The following SH2D4A variants were observed in gnomAD, a reference collection of about 807,000 sequenced individuals.
The protein encoded by SH2D4A is SH2 domain containing 4A, also known as SH2 domain-containing protein 4A.
In SH2D4A, 70 loss-of-function variants were observed where a neutral mutation model predicts 64.7. The ratio of observed to expected loss-of-function variants is 1.08; its 90% CI spans 0.89 to 1.32. The LOEUF is 1.32. SH2D4A is among the 40% of genes most tolerant of loss of function. The probability of loss-of-function intolerance (pLI) is 0.00; values close to 1 mark genes in which losing one functional copy is unlikely to be tolerated. For synonymous variants in SH2D4A, 268 were observed against 200.7 expected, an observed-to-expected ratio of 1.34 and a Z score of -2.83; for missense variants, 706 against 540.1, an observed-to-expected ratio of 1.31 and a Z score of -3.04.
At chr8:19,340,928 C>T (rs779531823) in intron 4 of SH2D4A, among the ~76,000 whole-genome samples, 8 of 152,094 alleles carry the variant, frequency 5.3e-5, no homozygotes, top group Admixed American at 1.3e-4. Flanking sequence ...ATTTGGAGTT[C>T]ACAACACTTT....
At chr8:19,375,253 C>A (rs1474582923) in intron 8 of SH2D4A, 1 of 152,124 alleles carries the variant, frequency 6.6e-6, no homozygotes, top group Admixed American at 6.6e-5. Flanking sequence ...CAGTATACAT[C>A]TTTATTTTCA....
chr8:19,364,950 C>T (rs1347151265), intron 7 of SH2D4A, among the ~76,000 whole-genome samples: 1 of 152,158 alleles, frequency 6.6e-6, no homozygotes, highest in Non-Finnish European at 1.5e-5. Flanking sequence ...ATTAAACCCC[C>T]ATCCCTTATG....
chr8:19,334,551 C>T lies in SH2D4A; in HGVS notation c.342-135C>T. The stretch of plus-strand genomic sequence containing the variant: ...ACGTCTTTACACACCTAGCAAAGGG[C>T]CCAGCATGTTAGAAGCACTCAGTAA... On this transcript the variant is annotated intron_variant, in intron 3 of 9. Coordinates refer to ENST00000265807, the MANE Select transcript of SH2D4A (RefSeq NM_022071.4). 5 of 894,216 alleles carry T rather than the reference C, an allele frequency of 5.6e-6. No individual in the cohort carries two copies. In the South Asian group the frequency reaches 7.4e-5, roughly 13 times the overall value. 55.4% of individuals were successfully genotyped at this position (894,216 alleles called of 1,614,324 possible).
intron 2 of SH2D4A, among the ~76,000 whole-genome samples, chr8:19,322,673 G>A (rs2052212210): frequency 6.8e-6 from 1 of 146,918 alleles, no homozygotes; most frequent in South Asian, 2.1e-4. Context: ...CTGCAGTGCA[G>A]TGGTGTGAGA....
At chr8:19,358,595 A>C (rs2052830439) in intron 5 of SH2D4A, among the ~76,000 whole-genome samples, 1 of 152,176 alleles carries the variant, frequency 6.6e-6, no homozygotes, top group Admixed American at 6.5e-5. Flanking sequence ...TCAAAGACAC[A>C]GAGGCACTAC....
At chr8:19,342,741 C>T (rs2052548501) in intron 4 of SH2D4A, among the ~76,000 whole-genome samples, 1 of 152,180 alleles carries the variant, frequency 6.6e-6, no homozygotes, top group Non-Finnish European at 1.5e-5. Flanking sequence ...AACGATCACA[C>T]TGCTGGGATT....
At chr8:19,326,254 A>G (rs960340236) in intron 2 of SH2D4A, among the ~76,000 whole-genome samples, 1 of 152,218 alleles carries the variant, frequency 6.6e-6, no homozygotes, top group Non-Finnish European at 1.5e-5. Context: ...TTAGTGACAG[A>G]TAGGGCATGG....
At chr8:19,393,180 C>A (rs1053986851) in intron 8 of SH2D4A, 138 bp from the exon 9 acceptor site, 2 of 731,850 alleles carry the variant, frequency 2.7e-6, no homozygotes, top group Non-Finnish European at 4.6e-6. Flanking sequence ...TCCTAAGAAG[C>A]CCAAAACAGA....
At chr8:19,366,699 G>T (rs2053000959) in intron 7 of SH2D4A, among the ~76,000 whole-genome samples, 1 of 152,148 alleles carries the variant, frequency 6.6e-6, no homozygotes, top group Non-Finnish European at 1.5e-5. Context: ...GGCTGAGGCA[G>T]GAGAATCACT....
chr8:19,353,368 G>GTTTT (rs71545549), intron 4 of SH2D4A, among the ~76,000 whole-genome samples: 2 of 131,334 alleles, frequency 1.5e-5, no homozygotes, highest in Admixed American at 7.9e-5. Flanking sequence ...TAATCATCTA[G>GTTTT]TTTTTTTTTT....
chr8:19,364,789 A>G (rs1398836195), intron 7 of SH2D4A, among the ~76,000 whole-genome samples: 1 of 152,232 alleles, frequency 6.6e-6, no homozygotes, highest in Non-Finnish European at 1.5e-5. Context: ...TCACGGATAC[A>G]TAGCCAAGTT....
chr8:19,393,300 T>C lies in SH2D4A; in HGVS notation c.1049-18T>C. 1.9e-6 allele frequency: 3 copies of C among 1,613,550 alleles called. No homozygotes were observed. Among genetic ancestry groups the C allele is most frequent in the Non-Finnish European group, 2.5e-6 (3 of 1,179,512 alleles). ...AATGATTTGGCTGAAATACCTGCCT[T>C]TTTTTGCTTTGCCACAGGAATTCTC... On this transcript the variant is annotated intron_variant, in intron 8 of 9. Transcript: ENST00000265807.
intron 4 of SH2D4A, among the ~76,000 whole-genome samples, chr8:19,349,149 GAAAT>G (rs1402988693): frequency 6.6e-6 from 1 of 152,140 alleles, no homozygotes; most frequent in Non-Finnish European, 1.5e-5. Context: ...ATTTTTGTGA[GAAAT>G]AAAGCATTGG....
intron 8 of SH2D4A, among the ~76,000 whole-genome samples, chr8:19,380,561 A>G (rs1308677455): frequency 6.6e-6 from 1 of 152,188 alleles, no homozygotes; most frequent in African/African-American, 2.4e-5. Flanking sequence ...ATGATGTTAG[A>G]TAAGGGTCCA....
intron 2 of SH2D4A, among the ~76,000 whole-genome samples, chr8:19,324,368 C>T (rs183210238): frequency 6.6e-6 from 1 of 152,322 alleles, no homozygotes; most frequent in East Asian, 1.9e-4. Context: ...TCATTGTTCC[C>T]AAGGGGGCAG....
intron 8 of SH2D4A, among the ~76,000 whole-genome samples, chr8:19,382,566 A>G (rs1000996422): frequency 9.9e-5 from 15 of 152,178 alleles, no homozygotes; most frequent in African/African-American, 3.1e-4. Context: ...TATTCTGACC[A>G]TGTTTAAGGT....
At chr8:19,361,442 C>A in intron 6 of SH2D4A, 128 bp downstream of exon 6, 1 of 897,638 alleles carries the variant, frequency 1.1e-6, no homozygotes, top group Non-Finnish European at 1.5e-6. Context: ...AGTTACCACT[C>A]AAATGTTATT....
chr8:19,322,263 C>T (rs913644077), intron 2 of SH2D4A, among the ~76,000 whole-genome samples: 1 of 152,144 alleles, frequency 6.6e-6, no homozygotes, highest in Non-Finnish European at 1.5e-5. Context: ...TGCTGCAGAC[C>T]TGCTAAGCCC....
intron 8 of SH2D4A, among the ~76,000 whole-genome samples, chr8:19,382,935 A>G (rs530174563): frequency 5.8e-4 from 86 of 149,114 alleles, no homozygotes; most frequent in Non-Finnish European, 1.1e-3. Flanking sequence ...GGTTCAAGCA[A>G]TTCTCCTGCC....
Sources: allele counts gnomAD v4.1 joint callset (sites outside exome capture counted in the v4.1 genomes callset), GRCh38; gene constraint gnomAD v4.1.1; transcripts MANE v1.5; gene names NCBI Gene and HGNC (gene_info 2026-07-23, HGNC 2026-07-21).